Variants in CDH12 observed in about 807,000 individuals in gnomAD.
CDH12 encodes the protein cadherin-12.
Under a neutral mutation model 74.1 loss-of-function variants are expected in CDH12, and 41 were observed. The observed-to-expected ratio is 0.55, with a 90% CI of 0.43 to 0.72. The LOEUF is 0.72. Among genes scored for constraint, CDH12 ranks in the 30% least tolerant of loss-of-function variants. The pLI is 0.00. For missense variants in CDH12, 945 were observed against 977.2 expected (o/e 0.97, Z 0.44); for synonymous variants, 399 against 355.0 (o/e 1.12, Z -1.39).
chr5:22,367,177 G>A (rs985909351), intron 3 of CDH12, among the ~76,000 whole-genome samples: 4 of 151,892 alleles, frequency 2.6e-5, no homozygotes, highest in Admixed American at 2.6e-4. Context: ...TTTATCCTCT[G>A]AAAGGCATCT....
At chr5:22,561,534 T>C (rs1580766373) in intron 1 of CDH12, among the ~76,000 whole-genome samples, 1 of 152,088 alleles carries the variant, frequency 6.6e-6, no homozygotes, top group Admixed American at 6.6e-5. Context: ...GGGAGCTGGA[T>C]CTATTTCTTC....
chr5:22,710,108 T>C (rs766004743), intron 1 of CDH12, among the ~76,000 whole-genome samples: 1 of 152,172 alleles, frequency 6.6e-6, no homozygotes, highest in Non-Finnish European at 1.5e-5. Context: ...CAAAGCAAAA[T>C]CACCCTCTAT....
intron 1 of CDH12, among the ~76,000 whole-genome samples, chr5:22,512,814 AC>A (rs1156749951): frequency 6.6e-6 from 1 of 152,198 alleles, no homozygotes; most frequent in East Asian, 1.9e-4. Context: ...TGTATTCCCA[AC>A]ACTTTGGGAG....
At chr5:22,137,831 T>C (rs1415711709) in intron 4 of CDH12, among the ~76,000 whole-genome samples, 1 of 152,124 alleles carries the variant, frequency 6.6e-6, no homozygotes, top group Non-Finnish European at 1.5e-5. Context: ...AAACTGTCAT[T>C]AAGGTTAGGC....
chr5:21,847,751 A>G (rs144757497), intron 7 of CDH12, among the ~76,000 whole-genome samples: 16 of 152,228 alleles, frequency 1.1e-4, no homozygotes, highest in African/African-American at 3.6e-4. Context: ...GGACATGGAC[A>G]TACTTGGGCA....
intron 4 of CDH12, among the ~76,000 whole-genome samples, chr5:22,088,817 T>C (rs1032210089): frequency 1.3e-5 from 2 of 152,162 alleles, no homozygotes; most frequent in African/African-American, 4.8e-5. Context: ...ATTGGTAAGG[T>C]AATTTATACA....
rs1371701425 is a variant in CDH12 at position 22,153,868 on chromosome 5, A to ATATT, written c.-187+58629_-187+58630insAATA. Among the ~76,000 whole-genome samples the ATATT allele has an allele frequency of 4.5e-4, 32 of 71,190 alleles. No homozygotes were observed. In the East Asian group the frequency reaches 6.7e-3, roughly 15 times the overall value. The allele number at this position is 71,190 out of a possible 152,430, so 46.7% of individuals were successfully genotyped here. A position where few individuals can be genotyped will look rare whatever the true frequency, so the allele number is the denominator to read the frequency against. On this transcript the variant is annotated intron_variant, in intron 4 of 14. Transcript: ENST00000382254. ...CATATATGTGTGTGTGTATATATAT[A>ATATT]TATGTATATATATATATATAAATAT...
chr5:21,798,486 T>A (rs912888409), intron 10 of CDH12, among the ~76,000 whole-genome samples: 1 of 152,160 alleles, frequency 6.6e-6, no homozygotes, highest in Non-Finnish European at 1.5e-5. Flanking sequence ...TCTCTCCTGA[T>A]TACTGATTCT....
At chr5:22,215,445 C>T (rs947350393) in intron 3 of CDH12, among the ~76,000 whole-genome samples, 14 of 151,646 alleles carry the variant, frequency 9.2e-5, no homozygotes, top group African/African-American at 3.4e-4. Flanking sequence ...AAAAAATTCA[C>T]AAAAAAAACT....
intron 1 of CDH12, among the ~76,000 whole-genome samples, chr5:22,714,085 T>C (rs1743439269): frequency 6.6e-6 from 1 of 152,198 alleles, no homozygotes; most frequent in Admixed American, 6.5e-5. Context: ...TATAATTTTA[T>C]ATTACAATTG....
At chr5:22,144,356 C>T (rs1187501767) in intron 4 of CDH12, among the ~76,000 whole-genome samples, 1 of 152,088 alleles carries the variant, frequency 6.6e-6, no homozygotes, top group Admixed American at 6.6e-5. Context: ...CCAACTAATA[C>T]TTGAAAAGGA....
chr5:22,734,319 T>C (rs1432381702), intron 1 of CDH12, among the ~76,000 whole-genome samples: 1 of 151,876 alleles, frequency 6.6e-6, no homozygotes, highest in Non-Finnish European at 1.5e-5. Flanking sequence ...TGACATCTGA[T>C]TCCCAACATT....
At chr5:22,268,268 T>C (rs1019130332) in intron 3 of CDH12, among the ~76,000 whole-genome samples, 2 of 152,154 alleles carry the variant, frequency 1.3e-5, no homozygotes, top group Non-Finnish European at 2.9e-5. Flanking sequence ...TGAATATATA[T>C]GTGTGTATAT....
chr5:22,730,347 CGAG>C (rs1391279376), intron 1 of CDH12, among the ~76,000 whole-genome samples: 4 of 151,550 alleles, frequency 2.6e-5, no homozygotes, highest in Non-Finnish European at 5.9e-5. Flanking sequence ...TGTTTTGCCC[CGAG>C]ATCAGTTTTT....
chr5:22,469,215 T>C (rs1401841285), intron 2 of CDH12, among the ~76,000 whole-genome samples: 1 of 152,186 alleles, frequency 6.6e-6, no homozygotes, highest in Non-Finnish European at 1.5e-5. Flanking sequence ...ATTTTTCAAC[T>C]AAAATTTGAA....
chr5:22,423,899 T>A lies in CDH12; in HGVS notation c.-427-18548A>T, dbSNP rs556337764. 9.6e-3 allele frequency among the ~76,000 whole-genome samples: 1,377 copies of A among 143,638 alleles called. 14 individuals carry two copies. Among genetic ancestry groups the A allele is most frequent in the Middle Eastern group, 0.012 (3 of 252 alleles). 94.2% of individuals were successfully genotyped at this position (143,638 alleles called of 152,430 possible). On this transcript the variant is annotated intron_variant, in intron 2 of 14. Transcript: ENST00000382254. ...GCGCCTGTAGTCCCGGCTACTTGGGTGGCTGAGGCAGGAGAATGGCGTGAA... is the reference window on the plus strand; with the variant it reads ...GCGCCTGTAGTCCCGGCTACTTGGGAGGCTGAGGCAGGAGAATGGCGTGAA...
At chr5:22,352,464 AT>A (rs151095700) in intron 3 of CDH12, among the ~76,000 whole-genome samples, 10,971 of 152,252 alleles carry the variant, frequency 0.072, 452 homozygotes, top group South Asian at 0.16. Flanking sequence ...CGGCAAAATA[AT>A]TACAAAGAAA....
At chr5:21,837,562 T>C (rs894853481) in intron 8 of CDH12, among the ~76,000 whole-genome samples, 1 of 152,060 alleles carries the variant, frequency 6.6e-6, no homozygotes, top group African/African-American at 2.4e-5. Context: ...GGAATAGATT[T>C]TGTTGACTTC....
At chr5:21,933,400 A>G (rs1579982982) in intron 6 of CDH12, among the ~76,000 whole-genome samples, 1 of 152,312 alleles carries the variant, frequency 6.6e-6, no homozygotes, top group East Asian at 1.9e-4. Flanking sequence ...CAGAGCATCC[A>G]TGATATTTTT....
Sources: allele counts gnomAD v4.1 joint callset (sites outside exome capture counted in the v4.1 genomes callset), GRCh38; gene constraint gnomAD v4.1.1; transcripts MANE v1.5; gene names NCBI Gene and HGNC (gene_info 2026-07-23, HGNC 2026-07-21).